Variants in WNK2 observed in about 807,000 individuals in gnomAD.
The protein encoded by WNK2 is serine/threonine-protein kinase WNK2.
In WNK2, 67 loss-of-function variants were observed where a neutral mutation model predicts 192.1. The observed-to-expected ratio is 0.35, with a 90% CI of 0.29 to 0.43. The LOEUF (loss-of-function observed/expected upper bound fraction) is 0.43. Ranked by LOEUF, WNK2 falls within the 20% of genes least tolerant of loss-of-function variation. WNK2 has a pLI of 1.00. For missense variants in WNK2, 2,698 were observed against 3,089.7 expected, an observed-to-expected ratio of 0.87 and a Z score of 3.01; for synonymous variants, 1,439 against 1,393.9, an observed-to-expected ratio of 1.03 and a Z score of -0.72.
Position 93,262,689 on chromosome 9 carries a change from A to C in WNK2, c.3380A>C (p.Lys1127Thr). The change falls in exon 14 of 30, where the codon AAG becomes ACG. Residue 1127 changes from lysine (K) to threonine (T), a missense_variant. Physicochemically the swap from Lys to Thr is moderately conservative, Grantham distance 78. Around this residue, in one of 7 missense-constraint regions of WNK2, gnomAD observed 893 missense variants for 909.0 expected, o/e 0.98. Coordinates refer to ENST00000427277, the MANE Select transcript of WNK2 (RefSeq NM_006648.4). ...PVQEEQASQD[K>T]PPGLPQSCES... ...TTTCAGGAGCAGGCCTCACAGGACA[A>C]GCCGCCCGGCCTCCCGCAGAGCTGT... The C allele has an allele frequency of 6.2e-7, 1 of 1,612,580 alleles. No individual in the cohort carries two copies.
At chr9:93,201,388 C>T (rs1281549545) in intron 2 of WNK2, among the ~76,000 whole-genome samples, 3 of 152,222 alleles carry the variant, frequency 2.0e-5, no homozygotes, top group Middle Eastern at 3.2e-3. Flanking sequence ...GAGGCCCCTG[C>T]GTGCCTTCCT....
At position 93,320,402 on chromosome 9, in the gene WNK2, G is replaced by A; in HGVS notation, c.*10G>A. 7.3e-7 allele frequency: 1 copy of A among 1,367,688 alleles called. No homozygotes were observed. The highest frequency in any genetic ancestry group is 9.8e-7 in the Non-Finnish European group (1 of 1,021,860). The allele number at this position is 1,367,688 out of a possible 1,614,324, so 84.7% of individuals were successfully genotyped here. ...TGAGAAGCCTGACTGACCCCGCCTAGACGCCAGGCCCACTTCACGCCGTCT... is the reference window on the plus strand; with the variant it reads ...TGAGAAGCCTGACTGACCCCGCCTAAACGCCAGGCCCACTTCACGCCGTCT... On this transcript the variant is annotated 3_prime_UTR_variant, in exon 30 of 30. Coordinates refer to ENST00000427277, the MANE Select transcript of WNK2 (RefSeq NM_006648.4).
chr9:93,256,637 G>A (rs776111949), intron 10 of WNK2, 183 bp downstream of exon 10: 23 of 751,714 alleles, frequency 3.1e-5, no homozygotes, highest in Non-Finnish European at 4.6e-5. Context: ...GTTTGTGTGT[G>A]TACGTGTGTG....
At chr9:93,254,992 G>A (rs1219367396) in intron 9 of WNK2, among the ~76,000 whole-genome samples, 2 of 152,076 alleles carry the variant, frequency 1.3e-5, no homozygotes, top group Non-Finnish European at 2.9e-5. Flanking sequence ...GCTCCCACTG[G>A]GCCAAGTCCC....
At chr9:93,317,212 T>A in intron 28 of WNK2, 1 of 494,042 alleles carries the variant, frequency 2.0e-6, no homozygotes, top group Non-Finnish European at 3.7e-6. Flanking sequence ...GCATGTGGGG[T>A]CACTCATGCG....
In WNK2 at chr9:93,259,472, C is replaced by G; in HGVS notation, c.2924C>G (p.Pro975Arg). 2 of 1,494,714 alleles carry G rather than the reference C, an allele frequency of 1.3e-6. No individual in the cohort carries two copies. Among genetic ancestry groups the G allele is most frequent in the Non-Finnish European group, 1.8e-6 (2 of 1,127,472 alleles). 92.6% of individuals were successfully genotyped at this position (1,494,714 alleles called of 1,614,324 possible). The change falls in exon 12 of 30, where the codon CCC becomes CGC. Residue 975 changes from proline to arginine, a missense_variant. Pro to Arg is a moderately radical substitution (Grantham distance 103). Coordinates refer to ENST00000427277, the MANE Select transcript of WNK2 (RefSeq NM_006648.4). This position sits in a 1 kb window ranked among gnomAD's most constrained non-coding sequence, Gnocchi z 4.8. Reference protein sequence around the residue: ...QPVLPPQPTRPPQPVLPPQPM... With the variant: ...QPVLPPQPTRRPQPVLPPQPM... ...GTGTTGCCCCCGCAACCCACACGGC[C>G]CCCTCAACCTGTGCTGCCCCCGCAA...
intron 9 of WNK2, 54 bp from the exon 10 acceptor site, chr9:93,256,245 G>C: frequency 5.6e-6 from 8 of 1,436,496 alleles, no homozygotes; most frequent in South Asian, 3.0e-5. Context: ...CTGCCCAGGA[G>C]GGGGCCTGGT....
chr9:93,306,860 C>A, intron 27 of WNK2, 39 bp downstream of exon 27: 1 of 1,613,426 alleles, frequency 6.2e-7, no homozygotes, highest in Middle Eastern at 1.6e-4. Flanking sequence ...CCTCTCTCAT[C>A]GCATGGGCTT....
intron 19 of WNK2, among the ~76,000 whole-genome samples, chr9:93,284,897 A>G (rs1307206175): frequency 6.6e-6 from 1 of 152,232 alleles, no homozygotes; most frequent in Non-Finnish European, 1.5e-5. Context: ...ATTTGAGTTG[A>G]TACCAACTTG....
In WNK2 at chr9:93,262,053, C is replaced by T. The variant is rs751192806; in HGVS notation, c.3306C>T (p.Pro1102=). ...CAAACCCACCGCTGCCTGGCGGGCC[C>T]GGGATCGCCAGCCCTTGCCCAACTG... ...PPANPPLPGG[P]GIASPCPTVQ... The change falls in exon 13 of 30, where the codon CCC becomes CCT. Residue 1102 remains proline (P), a synonymous_variant. Transcript: ENST00000427277. 9.3e-6 allele frequency: 15 copies of T among 1,609,732 alleles called. No individual in the cohort carries two copies. The Admixed American group carries it at 1.0e-4, about 11-fold the overall frequency.
chr9:93,231,464 G>A (rs191680129), intron 4 of WNK2, among the ~76,000 whole-genome samples: 1 of 152,302 alleles, frequency 6.6e-6, no homozygotes, highest in African/African-American at 2.4e-5. Context: ...AGGGGAGGTG[G>A]GCTGGGTGCC....
chr9:93,304,499 C>G (rs1852151037), intron 26 of WNK2, among the ~76,000 whole-genome samples: 1 of 152,268 alleles, frequency 6.6e-6, no homozygotes, highest in Non-Finnish European at 1.5e-5. Context: ...CTGGGCCTGG[C>G]TGGGGATGGA....
At chr9:93,298,107 G>A in intron 24 of WNK2, 40 bp downstream of exon 24, 1 of 1,541,994 alleles carries the variant, frequency 6.5e-7, no homozygotes, top group Non-Finnish European at 8.7e-7. Context: ...GAGCGGGGCT[G>A]GGGACCCCCG....
At position 93,247,156 on chromosome 9, in the gene WNK2, C is replaced by T. The variant is rs1023090918; in HGVS notation, c.1543-387C>T. Among the ~76,000 whole-genome samples, 2 of 152,232 alleles carry T rather than the reference C, an allele frequency of 1.3e-5. No homozygotes were observed. Among genetic ancestry groups the T allele is most frequent in the Non-Finnish European group, 2.9e-5 (2 of 68,042 alleles). On this transcript the variant is annotated intron_variant, in intron 7 of 29. Coordinates refer to ENST00000427277, the MANE Select transcript of WNK2 (RefSeq NM_006648.4). The surrounding 1 kb of genome is among the most constrained non-coding windows in gnomAD (Gnocchi z 5.2). The stretch of plus-strand genomic sequence containing the variant: ...GGCAGCCCCAGACTCAGAGACGTTT[C>T]AGGAAAATGCTAGCTCCAAAGCTCC...
At chr9:93,213,730 A>C (rs541352053) in intron 2 of WNK2, among the ~76,000 whole-genome samples, 1 of 152,120 alleles carries the variant, frequency 6.6e-6, no homozygotes, top group Admixed American at 6.5e-5. Context: ...CAGAGGTTGC[A>C]GTAAGCCGAG....
Position 93,320,391 on chromosome 9 carries a change from G to A in WNK2, c.6653G>A (p.Ter2218=). 7.3e-7 allele frequency: 1 copy of A among 1,367,652 alleles called. No homozygotes were observed. Among genetic ancestry groups the A allele is most frequent in the Non-Finnish European group, 9.8e-7 (1 of 1,021,844 alleles). 84.7% of individuals were successfully genotyped at this position (1,367,652 alleles called of 1,614,324 possible). The change falls in exon 30 of 30, where the codon TGA becomes TAA. Residue 2218 remains the stop codon, a stop_retained_variant. Transcript: ENST00000427277. ...TPDPESEKPD[*] ...GATCCTGAGAGTGAGAAGCCTGACT[G>A]ACCCCGCCTAGACGCCAGGCCCACT...
Position 93,308,533 on chromosome 9 carries a change from G to T in WNK2, c.6465G>T (p.Leu2155=), listed in dbSNP as rs1853031090. ...TLNQLKQTQK[L]QDMEAQAGWA... is the part of the protein sequence containing the mutation. ...ACCAGCTGAAGCAGACCCAGAAGCTGCAAGACATGGAGGCCCAGGCAGGCT... is the reference window on the plus strand; with the variant it reads ...ACCAGCTGAAGCAGACCCAGAAGCTTCAAGACATGGAGGCCCAGGCAGGCT... Residue 2155 remains leucine (L), a synonymous_variant, in exon 28 of 30, where the codon CTG becomes CTT. Transcript: ENST00000427277. 11 of 1,603,520 alleles carry T rather than the reference G, an allele frequency of 6.9e-6. No individual in the cohort carries two copies. The highest frequency in any genetic ancestry group is 9.4e-6 in the Non-Finnish European group (11 of 1,175,672).
At chr9:93,258,283 G>T (rs1400445925) in intron 11 of WNK2, among the ~76,000 whole-genome samples, 1 of 152,220 alleles carries the variant, frequency 6.6e-6, no homozygotes, top group Non-Finnish European at 1.5e-5. Flanking sequence ...ATGTAATGCT[G>T]AGAAGAGAAG....
chr9:93,255,974 C>T (rs1156603241), intron 9 of WNK2, among the ~76,000 whole-genome samples: 3 of 152,144 alleles, frequency 2.0e-5, no homozygotes, highest in Admixed American at 6.5e-5. Context: ...TCATATGGAC[C>T]GTGAGCTTCC....
Sources: allele counts gnomAD v4.1 joint callset (sites outside exome capture counted in the v4.1 genomes callset), GRCh38; gene constraint gnomAD v4.1.1; regional missense constraint gnomAD v4.1.1; non-coding constraint Gnocchi (gnomAD v3.1); transcripts MANE v1.5; gene names NCBI Gene and HGNC (gene_info 2026-07-23, HGNC 2026-07-21).